CSMD1: variants seen among roughly 807,000 people sequenced by gnomAD.
The protein encoded by CSMD1 is CUB and Sushi multiple domains 1, also known as CUB and sushi domain-containing protein 1.
A neutral mutation model predicts 417.5 loss-of-function variants in CSMD1; 213 were observed. The observed-to-expected ratio is 0.51, with a 90% CI of 0.46 to 0.57. CSMD1 has a LOEUF of 0.57. Ranked by LOEUF, CSMD1 falls within the 20% of genes least tolerant of loss-of-function variation. The pLI, the probability that CSMD1 is intolerant of heterozygous loss-of-function variation, is 0.00. For missense variants in CSMD1, 6,923 were observed against 4,529.7 expected, an observed-to-expected ratio of 1.53 and a Z score of -15.17; for synonymous variants, 2,862 against 1,736.8, an observed-to-expected ratio of 1.65 and a Z score of -16.11.
chr8:4,338,903 C>T (rs914267081), intron 3 of CSMD1, among the ~76,000 whole-genome samples: 1 of 152,036 alleles, frequency 6.6e-6, no homozygotes, highest in African/African-American at 2.4e-5. Context: ...GAACTGACAA[C>T]AGAGGCATGA....
chr8:3,645,126 A>C (rs934491634), intron 7 of CSMD1, among the ~76,000 whole-genome samples: 1 of 152,124 alleles, frequency 6.6e-6, no homozygotes, highest in African/African-American at 2.4e-5. Flanking sequence ...GCCATGTTCA[A>C]AGCCAAATCA....
chr8:4,029,910 T>C (rs977621860), intron 4 of CSMD1, among the ~76,000 whole-genome samples: 1 of 152,040 alleles, frequency 6.6e-6, no homozygotes, highest in Non-Finnish European at 1.5e-5. Context: ...AAACAAAGGG[T>C]CTACTGGCCC....
chr8:3,396,845 C>A (rs765792619), intron 16 of CSMD1, among the ~76,000 whole-genome samples: 1 of 151,804 alleles, frequency 6.6e-6, no homozygotes, highest in East Asian at 1.9e-4. Context: ...CAAAGAAGAT[C>A]ATTAAAAATG....
intron 32 of CSMD1, among the ~76,000 whole-genome samples, chr8:3,200,384 G>C (rs929479405): frequency 6.6e-6 from 1 of 151,606 alleles, no homozygotes; most frequent in Admixed American, 6.6e-5. Context: ...GGGAAACCAC[G>C]TCTCTACTAA....
intron 1 of CSMD1, among the ~76,000 whole-genome samples, chr8:4,983,102 GAA>G (rs1563929548): frequency 6.6e-6 from 1 of 152,112 alleles, no homozygotes; most frequent in African/African-American, 2.4e-5. Context: ...AGTATACAAA[GAA>G]AAACAGTCAA....
intron 30 of CSMD1, among the ~76,000 whole-genome samples, chr8:3,208,514 C>T (rs1585660064): frequency 6.6e-6 from 1 of 152,156 alleles, no homozygotes; most frequent in Non-Finnish European, 1.5e-5. Context: ...ATCCACCTAC[C>T]TCGGCCTCCC....
intron 62 of CSMD1, among the ~76,000 whole-genome samples, chr8:2,959,530 G>T (rs949041466): frequency 6.6e-6 from 1 of 151,892 alleles, no homozygotes. Context: ...TTTACTGGCA[G>T]AAAGAAAATA....
At chr8:4,313,421 G>A (rs114027123) in intron 3 of CSMD1, among the ~76,000 whole-genome samples, 312 of 151,700 alleles carry the variant, frequency 2.1e-3, no homozygotes, top group African/African-American at 6.8e-3. Context: ...GATGCCTGAC[G>A]GGACCCCTGT....
chr8:4,369,809 T>C (rs997129692), intron 3 of CSMD1, among the ~76,000 whole-genome samples: 2 of 152,222 alleles, frequency 1.3e-5, no homozygotes, highest in Admixed American at 1.3e-4. Context: ...ATCCCTTTAC[T>C]TCGAGACTAT....
At chr8:3,460,549 G>T (rs118100091) in intron 12 of CSMD1, among the ~76,000 whole-genome samples, 7 of 151,968 alleles carry the variant, frequency 4.6e-5, no homozygotes, top group African/African-American at 1.7e-4. Flanking sequence ...ATGAAGTTTC[G>T]ACCACTACAG....
At chr8:3,691,990 A>C (rs1371701267) in intron 7 of CSMD1, among the ~76,000 whole-genome samples, 1 of 152,284 alleles carries the variant, frequency 6.6e-6, no homozygotes, top group Non-Finnish European at 1.5e-5. Context: ...TGTCCAGCTC[A>C]TGAGACAGGA....
chr8:4,802,745 A>G (rs1181363573), intron 1 of CSMD1, among the ~76,000 whole-genome samples: 2 of 152,176 alleles, frequency 1.3e-5, no homozygotes, highest in African/African-American at 2.4e-5. Context: ...AAATATGTCA[A>G]CAATCATTTA....
chr8:4,903,675 T>C (rs1191659482), intron 1 of CSMD1, among the ~76,000 whole-genome samples: 2 of 152,290 alleles, frequency 1.3e-5, no homozygotes, highest in East Asian at 1.9e-4. Flanking sequence ...GGACTAAATG[T>C]TTATACCAAA....
At chr8:3,662,115 C>T (rs1287452526) in intron 7 of CSMD1, among the ~76,000 whole-genome samples, 1 of 152,154 alleles carries the variant, frequency 6.6e-6, no homozygotes, top group Non-Finnish European at 1.5e-5. Context: ...ATTAGTGGAA[C>T]ACCAGGATGT....
At chr8:3,324,231 G>A (rs264315) in intron 23 of CSMD1, among the ~76,000 whole-genome samples, 48,119 of 99,502 alleles carry the variant, frequency 0.48, 11,905 homozygotes, top group Admixed American at 0.6. Context: ...CCAGAGACCC[G>A]GGAGGGGGAG....
Position 4,461,660 on chromosome 8 carries a change from C to A in CSMD1, c.303-41595G>T, listed in dbSNP as rs1281877029. ...GTACCTCCTGGGCTCAAGCAATCCT[C>A]CCACCTCAGCCTGCTGTATAGCTGG... On this transcript the variant is annotated intron_variant, in intron 2 of 69. Transcript: ENST00000635120. Among the ~76,000 whole-genome samples the A allele has an allele frequency of 2.0e-5, 3 of 151,992 alleles. No homozygotes were observed. In the East Asian group the frequency reaches 5.8e-4, roughly 29 times the overall value.
chr8:3,079,968 T>C (rs1211549966), intron 49 of CSMD1, among the ~76,000 whole-genome samples: 1 of 152,248 alleles, frequency 6.6e-6, no homozygotes, highest in African/African-American at 2.4e-5. Flanking sequence ...TATAGGCAGC[T>C]ATCTCTATCT....
At chr8:3,370,640 C>A (rs953397699) in intron 18 of CSMD1, among the ~76,000 whole-genome samples, 3 of 152,190 alleles carry the variant, frequency 2.0e-5, no homozygotes, top group South Asian at 2.1e-4. Context: ...CCAATGTGAA[C>A]TGGCATCATT....
At chr8:3,905,536 A>T (rs1808054749) in intron 5 of CSMD1, among the ~76,000 whole-genome samples, 1 of 152,360 alleles carries the variant, frequency 6.6e-6, no homozygotes, top group African/African-American at 2.4e-5. Flanking sequence ...AACATTCAGC[A>T]TGCATTCCCA....
Sources: gnomAD v4.1 joint callset for allele counts (sites outside exome capture counted in the v4.1 genomes callset) on GRCh38, gnomAD v4.1.1 for gene constraint, MANE v1.5 for transcripts, NCBI Gene and HGNC (gene_info 2026-07-23, HGNC 2026-07-21) for gene names.